Variants in UHRF2 observed in about 807,000 individuals in gnomAD.
UHRF2 encodes the protein E3 ubiquitin-protein ligase UHRF2.
Under a neutral mutation model 96.8 loss-of-function variants are expected in UHRF2, and 23 were observed. That is an observed-to-expected ratio of 0.24 (90% CI 0.17 to 0.34). The LOEUF is 0.34. Ranked by LOEUF, UHRF2 falls within the 10% of genes least tolerant of loss-of-function variation. The probability of loss-of-function intolerance (pLI) is 1.00; values close to 1 mark genes in which losing one functional copy is unlikely to be tolerated. For synonymous variants in UHRF2, 385 were observed against 332.6 expected, an observed-to-expected ratio of 1.16 and a Z score of -1.72; for missense variants, 685 against 981.5, an observed-to-expected ratio of 0.70 and a Z score of 4.04.
rs774750401 is a variant in UHRF2, at chr9:6,413,607, G to A, written c.117G>A (p.Arg39=). 3.1e-6 allele frequency: 5 copies of A among 1,599,554 alleles called. No homozygotes were observed. In the South Asian group the frequency reaches 5.6e-5, roughly 18 times the overall value. Residue 39 remains arginine, a synonymous_variant, in exon 1 of 16, where the codon CGG becomes CGA. Transcript: ENST00000276893. ...GGGTGTGGGCGCTGTTCGACGTGCG[G>A]CCCGAATGCCAGCGCCTCTTCTACC... The part of the protein sequence containing the change: ...RERVWALFDV[R]PECQRLFYRG...
chr9:6,430,598 A>G (rs4742202), intron 2 of UHRF2, among the ~76,000 whole-genome samples: 109,377 of 151,794 alleles, frequency 0.72, 41,111 homozygotes, highest in South Asian at 0.83. Context: ...CCATGCACTT[A>G]ACTACCTCCC....
At position 6,482,851 on chromosome 9, in the gene UHRF2, C is replaced by T. The variant is rs145440764; in HGVS notation, c.1392+752C>T. Among the ~76,000 whole-genome samples, 19 of 152,282 alleles carry T rather than the reference C, an allele frequency of 1.2e-4. No homozygotes were observed. In the East Asian group the frequency reaches 2.9e-3, roughly 23 times the overall value. On this transcript the variant is annotated intron_variant, in intron 8 of 15. Transcript: ENST00000276893. ...AACCTCGTGATCCACCTGCCTTGGC[C>T]TCCCATTACAGGCATGAGCCACTGC... is the stretch of plus-strand genomic sequence containing the variant.
Position 6,492,167 on chromosome 9 carries a change from A to G in UHRF2, c.1498-1659A>G, listed in dbSNP as rs1036276774. Reference sequence around the variant, plus strand: ...AAATGAGTTAATGGTACAGAATTTTAGCCATGTTTCCTTGATTTGCTGCTT... The same window carrying G: ...AAATGAGTTAATGGTACAGAATTTTGGCCATGTTTCCTTGATTTGCTGCTT... On this transcript the variant is annotated intron_variant, in intron 9 of 15. Transcript: ENST00000276893. 46 of 229,808 alleles carry G rather than the reference A, an allele frequency of 2.0e-4. No homozygotes were observed. In the Middle Eastern group the frequency reaches 6.1e-3, roughly 31 times the overall value. The allele number at this position is 229,808 out of a possible 1,614,324, so 14.2% of individuals were successfully genotyped here. A position where few individuals can be genotyped will look rare whatever the true frequency, so the allele number is the denominator to read the frequency against.
chr9:6,475,784 A>G (rs1823532444), intron 5 of UHRF2, among the ~76,000 whole-genome samples: 2 of 152,154 alleles, frequency 1.3e-5, no homozygotes, highest in African/African-American at 2.4e-5. Context: ...TAAGGAGTAT[A>G]TGTGATATTT....
intron 6 of UHRF2, among the ~76,000 whole-genome samples, chr9:6,479,415 C>T (rs1823789220): frequency 6.6e-6 from 1 of 152,100 alleles, no homozygotes; most frequent in African/African-American, 2.4e-5. Flanking sequence ...CCTTCTTAGT[C>T]TCTTGTTGGG....
intron 8 of UHRF2, among the ~76,000 whole-genome samples, chr9:6,483,001 A>G (rs564540612): frequency 1.8e-4 from 27 of 152,252 alleles, no homozygotes; most frequent in African/African-American, 5.3e-4. Flanking sequence ...AAGATCCCCT[A>G]TAGACACCAA....
intron 4 of UHRF2, among the ~76,000 whole-genome samples, chr9:6,472,893 T>A (rs370888224): frequency 9.9e-5 from 15 of 152,218 alleles, no homozygotes; most frequent in Non-Finnish European, 1.6e-4. Context: ...ATAATTTTTT[T>A]AAAAAGTAAA....
chr9:6,421,719 A>C (rs1432246797), intron 2 of UHRF2, among the ~76,000 whole-genome samples: 5 of 152,142 alleles, frequency 3.3e-5, no homozygotes, highest in African/African-American at 1.2e-4. Context: ...GCCCAGCCTT[A>C]AATACCTGTT....
intron 1 of UHRF2, among the ~76,000 whole-genome samples, chr9:6,419,384 A>G (rs1819792839): frequency 6.6e-6 from 1 of 152,198 alleles, no homozygotes. Context: ...ATAAAACTTG[A>G]TAATTGCAGA....
At chr9:6,478,127 G>C (rs1017705685) in intron 6 of UHRF2, among the ~76,000 whole-genome samples, 4 of 152,168 alleles carry the variant, frequency 2.6e-5, no homozygotes, top group African/African-American at 9.7e-5. Flanking sequence ...GTGATATTTA[G>C]TTGCTTCTCC....
At chr9:6,442,897 A>G (rs779330068) in intron 3 of UHRF2, among the ~76,000 whole-genome samples, 1 of 152,166 alleles carries the variant, frequency 6.6e-6, no homozygotes, top group African/African-American at 2.4e-5. Context: ...TTTAACATGT[A>G]CTGTCGGTCA....
chr9:6,492,266 C>A (rs1315925603), intron 9 of UHRF2: 4 of 1,052,668 alleles, frequency 3.8e-6, no homozygotes, highest in African/African-American at 3.2e-5. Context: ...CTTTCCATTA[C>A]TTTTTCTTTA....
At chr9:6,480,904 C>T (rs536525982) in intron 6 of UHRF2, among the ~76,000 whole-genome samples, 20 of 152,146 alleles carry the variant, frequency 1.3e-4, no homozygotes, top group South Asian at 1.0e-3. Context: ...CTAAAAGCTA[C>T]GTAGAATAGA....
intron 15 of UHRF2, among the ~76,000 whole-genome samples, chr9:6,505,778 C>T (rs1308521721): frequency 6.6e-6 from 1 of 152,166 alleles, no homozygotes; most frequent in East Asian, 1.9e-4. Flanking sequence ...TCTCTAACTC[C>T]ACCATTTTAG....
At chr9:6,480,801 A>G (rs1332254681) in intron 6 of UHRF2, among the ~76,000 whole-genome samples, 1 of 152,174 alleles carries the variant, frequency 6.6e-6, no homozygotes, top group Non-Finnish European at 1.5e-5. Context: ...TTTGCTCAAG[A>G]TCAGGGACTG....
At chr9:6,420,773 A>G in intron 1 of UHRF2, 139 bp from the exon 2 acceptor site, 2 of 643,082 alleles carry the variant, frequency 3.1e-6, no homozygotes, top group South Asian at 1.9e-5. Context: ...ATCAGAGGCC[A>G]TTAAGTATTA....
chr9:6,422,608 C>G, intron 2 of UHRF2: 1 of 622,700 alleles, frequency 1.6e-6, no homozygotes, highest in Non-Finnish European at 3.0e-6. Flanking sequence ...TCTCCATTAA[C>G]TTAGATCTTT....
At chr9:6,480,505 C>G (rs1291797067) in intron 6 of UHRF2, among the ~76,000 whole-genome samples, 3 of 152,194 alleles carry the variant, frequency 2.0e-5, no homozygotes, top group African/African-American at 7.2e-5. Context: ...GAATATATCT[C>G]TACATTCGTA....
In UHRF2 at chr9:6,413,632, C is replaced by G. The variant is rs1819417748; in HGVS notation, c.142C>G (p.Arg48Gly). ...GCCCGAATGCCAGCGCCTCTTCTACCGGGGCAAGCAGGTGAGGCGCGCCCG... is the reference window on the plus strand; with the variant it reads ...GCCCGAATGCCAGCGCCTCTTCTACGGGGGCAAGCAGGTGAGGCGCGCCCG... ...VRPECQRLFYRGKQLENGYTL... is the reference protein window; with the variant it reads ...VRPECQRLFYGGKQLENGYTL... The change falls in exon 1 of 16, where the codon CGG (arginine) becomes GGG (glycine). Residue 48 changes from arginine to glycine, a missense_variant. Around this residue, in one of 6 missense-constraint regions of UHRF2, gnomAD observed 13 missense variants for 37.3 expected, o/e 0.35. Coordinates refer to ENST00000276893, the MANE Select transcript of UHRF2 (RefSeq NM_152896.3). 1 of 1,589,136 alleles carries G rather than the reference C, an allele frequency of 6.3e-7. No homozygotes were observed. Among genetic ancestry groups the G allele is most frequent in the Non-Finnish European group, 8.5e-7 (1 of 1,170,246 alleles).
Sources: gnomAD v4.1 joint callset for allele counts (sites outside exome capture counted in the v4.1 genomes callset) on GRCh38, gnomAD v4.1.1 for gene constraint, gnomAD v4.1.1 regional missense constraint, MANE v1.5 for transcripts, NCBI Gene and HGNC (gene_info 2026-07-23, HGNC 2026-07-21) for gene names.